The following RFX3 variants were observed in gnomAD, a reference collection of about 807,000 sequenced individuals.
RFX3 encodes the protein transcription factor RFX3.
In RFX3, 14 loss-of-function variants were observed where a neutral mutation model predicts 98.6. The ratio of observed to expected loss-of-function variants is 0.14; its 90% confidence interval spans 0.09 to 0.22. The LOEUF (loss-of-function observed/expected upper bound fraction) is 0.22. Ranked by LOEUF, RFX3 falls within the 10% of genes least tolerant of loss-of-function variation. RFX3 has a pLI of 1.00. For synonymous variants in RFX3, 383 were observed against 328.4 expected, an observed-to-expected ratio of 1.17 and a Z score of -1.80; for missense variants, 639 against 926.9, an observed-to-expected ratio of 0.69 and a Z score of 4.03.
intron 1 of RFX3, among the ~76,000 whole-genome samples, chr9:3,415,235 G>A (rs1173826013): frequency 1.4e-5 from 2 of 143,510 alleles, no homozygotes; most frequent in African/African-American, 2.6e-5. Context: ...ATATATAAGA[G>A]TTGGGATCTT....
chr9:3,484,437 A>T (rs1333971239), intron 1 of RFX3, among the ~76,000 whole-genome samples: 1 of 152,210 alleles, frequency 6.6e-6, no homozygotes, highest in Non-Finnish European at 1.5e-5. Context: ...AGGGATGAGG[A>T]GTGGTCAGAG....
chr9:3,425,710 C>T (rs1324797187), intron 1 of RFX3, among the ~76,000 whole-genome samples: 1 of 152,156 alleles, frequency 6.6e-6, no homozygotes, highest in Non-Finnish European at 1.5e-5. Context: ...AAATTTTCAA[C>T]AATTATTTCT....
intron 6 of RFX3, among the ~76,000 whole-genome samples, chr9:3,290,653 C>A (rs984575937): frequency 1.3e-5 from 2 of 152,124 alleles, no homozygotes; most frequent in African/African-American, 4.8e-5. Flanking sequence ...CAATCACATT[C>A]TTCAGTTTAA....
intron 2 of RFX3, among the ~76,000 whole-genome samples, chr9:3,379,181 G>C (rs1838903603): frequency 6.6e-6 from 1 of 152,048 alleles, no homozygotes; most frequent in Non-Finnish European, 1.5e-5. Context: ...TTACAGTTTT[G>C]GGGAGAGACA....
chr9:3,426,769 C>G (rs1170803526), intron 1 of RFX3, among the ~76,000 whole-genome samples: 1 of 152,164 alleles, frequency 6.6e-6, no homozygotes, highest in Non-Finnish European at 1.5e-5. Flanking sequence ...GACTGTCTAG[C>G]TGGAGGGAAA....
intron 1 of RFX3, among the ~76,000 whole-genome samples, chr9:3,469,429 A>G (rs1848584646): frequency 6.6e-6 from 1 of 152,182 alleles, no homozygotes; most frequent in South Asian, 2.1e-4. Context: ...GATGAAAACA[A>G]TATTTTCAAT....
At chr9:3,462,414 T>A (rs1453153428) in intron 1 of RFX3, among the ~76,000 whole-genome samples, 1 of 151,986 alleles carries the variant, frequency 6.6e-6, no homozygotes, top group African/African-American at 2.4e-5. Context: ...ATAAAAGGCA[T>A]CCAGAAAGAA....
chr9:3,461,094 A>G (rs1383770485), intron 1 of RFX3, among the ~76,000 whole-genome samples: 7 of 150,484 alleles, frequency 4.7e-5, no homozygotes, highest in African/African-American at 1.7e-4. Flanking sequence ...TAAAATATTT[A>G]TTTAATATAA....
At chr9:3,316,324 G>A (rs1007651966) in intron 4 of RFX3, among the ~76,000 whole-genome samples, 77 of 152,054 alleles carry the variant, frequency 5.1e-4, no homozygotes, top group African/African-American at 1.8e-3. Flanking sequence ...AAAATTCAAT[G>A]GCCCTTCATG....
At chr9:3,466,093 G>T (rs759697350) in intron 1 of RFX3, among the ~76,000 whole-genome samples, 1 of 152,154 alleles carries the variant, frequency 6.6e-6, no homozygotes, top group Non-Finnish European at 1.5e-5. Context: ...ACAGAAATGA[G>T]CAGTTTGAAA....
At chr9:3,437,463 T>C (rs376289278) in intron 1 of RFX3, among the ~76,000 whole-genome samples, 65 of 152,226 alleles carry the variant, frequency 4.3e-4, no homozygotes, top group African/African-American at 1.5e-3. Context: ...CCCTGATTTA[T>C]ATAGCTTCTA....
intron 15 of RFX3, among the ~76,000 whole-genome samples, chr9:3,230,650 C>A (rs529140407): frequency 6.6e-6 from 1 of 152,108 alleles, no homozygotes; most frequent in African/African-American, 2.4e-5. Flanking sequence ...ACTGAAGGAT[C>A]ATTTAACAGT....
intron 4 of RFX3, among the ~76,000 whole-genome samples, chr9:3,324,845 T>C (rs1329933038): frequency 6.6e-6 from 1 of 151,866 alleles, no homozygotes; most frequent in African/African-American, 2.4e-5. Flanking sequence ...ACACCTGTAA[T>C]CCCAGCTACA....
rs554403697 is a variant in RFX3, at chr9:3,516,162, C to T, written c.-9+9585G>A. Among the ~76,000 whole-genome samples the T allele has an allele frequency of 1.6e-3, 246 of 152,174 alleles. 1 individual carries two copies. Among genetic ancestry groups the T allele is most frequent in the South Asian group, 2.9e-3 (14 of 4,820 alleles). On this transcript the variant is annotated intron_variant, in intron 1 of 16. Transcript: ENST00000617270. ...CTCCTGTATTCACACCATTCTCTCA[C>T]CTCAGCCTCCCGAGTAGCTAGGACT...
At chr9:3,477,306 C>T (rs1197486617) in intron 1 of RFX3, among the ~76,000 whole-genome samples, 1 of 152,116 alleles carries the variant, frequency 6.6e-6, no homozygotes, top group African/African-American at 2.4e-5. Context: ...TTTCTTCACA[C>T]GGATTAAAAT....
chr9:3,490,285 T>A, intron 1 of RFX3: 1 of 967,484 alleles, frequency 1.0e-6, no homozygotes, highest in Non-Finnish European at 1.2e-6. Context: ...TTACCTCATA[T>A]TCCTTCCAGA....
chr9:3,347,068 C>A (rs1834514193), intron 2 of RFX3, among the ~76,000 whole-genome samples: 1 of 152,130 alleles, frequency 6.6e-6, no homozygotes, highest in Non-Finnish European at 1.5e-5. Context: ...CTCCTGTAAT[C>A]CTAGCACTCT....
In RFX3 at chr9:3,237,581, G is replaced by T. The variant is rs1819333268; in HGVS notation, c.1969-8692C>A. 5.3e-5 allele frequency among the ~76,000 whole-genome samples: 8 copies of T among 152,118 alleles called. No homozygotes were observed. The South Asian group carries it at 1.7e-3, about 32-fold the overall frequency. ...AGATATTTACATATTTATGGAAAGG[G>T]GAAGGAGATGGAACTAACAAAGATC... On this transcript the variant is annotated intron_variant, in intron 15 of 16. Transcript: ENST00000617270.
chr9:3,472,121 G>A (rs987439096), intron 1 of RFX3, among the ~76,000 whole-genome samples: 15 of 152,124 alleles, frequency 9.9e-5, no homozygotes, highest in South Asian at 2.1e-4. Flanking sequence ...GTTCTGTAAC[G>A]CACTGTATTT....
Sources: gnomAD v4.1 joint callset for allele counts (sites outside exome capture counted in the v4.1 genomes callset) on GRCh38, gnomAD v4.1.1 for gene constraint, MANE v1.5 for transcripts, NCBI Gene and HGNC (gene_info 2026-07-23, HGNC 2026-07-21) for gene names.